The following CCNY variants were observed in gnomAD, a reference collection of about 807,000 sequenced individuals.
CCNY encodes cyclin Y.
A neutral mutation model predicts 42.8 loss-of-function variants in CCNY; 19 were observed. That is an observed-to-expected ratio of 0.44 (90% CI 0.31 to 0.65). The LOEUF (loss-of-function observed/expected upper bound fraction) is 0.65. Among genes scored for constraint, CCNY ranks in the 30% least tolerant of loss-of-function variants. The pLI is 0.07. For missense variants in CCNY, 370 were observed against 437.3 expected (o/e 0.85, Z 1.37); for synonymous variants, 165 against 162.7 (o/e 1.01, Z -0.11).
At chr10:35,561,358 CAGAA>C (rs1245869479) in intron 8 of CCNY, among the ~76,000 whole-genome samples, 2 of 152,204 alleles carry the variant, frequency 1.3e-5, no homozygotes, top group African/African-American at 4.8e-5. Flanking sequence ...TCCCATCACT[CAGAA>C]AGAATATTGC....
intron 1 of CCNY, among the ~76,000 whole-genome samples, chr10:35,474,795 G>A (rs1839470540): frequency 6.6e-6 from 1 of 152,330 alleles, no homozygotes; most frequent in South Asian, 2.1e-4. Context: ...AAGCTGGACG[G>A]AGAATGACTT....
chr10:35,408,254 T>C (rs1386686145), intron 1 of CCNY, among the ~76,000 whole-genome samples: 2 of 152,200 alleles, frequency 1.3e-5, no homozygotes, highest in Non-Finnish European at 2.9e-5. Context: ...GGGACTGGTC[T>C]CCCGAAGGAG....
At chr10:35,395,673 A>G (rs1417400341) in intron 1 of CCNY, among the ~76,000 whole-genome samples, 5 of 152,230 alleles carry the variant, frequency 3.3e-5, no homozygotes, top group Non-Finnish European at 7.3e-5. Context: ...ATGGAGGGCC[A>G]AAGGTGGAGG....
chr10:35,417,772 T>C lies in CCNY; in HGVS notation c.155-65632T>C, dbSNP rs531802728. Among the ~76,000 whole-genome samples, 7 of 152,380 alleles carry C rather than the reference T, an allele frequency of 4.6e-5. No individual in the cohort carries two copies. In the South Asian group the frequency reaches 8.3e-4, roughly 18 times the overall value. ...CCATCTATCAGAGCCCAATCTGTTA[T>C]GCTCCAGAGAATTGTAAGAGATTAA... On this transcript the variant is annotated intron_variant, in intron 1 of 9. Coordinates refer to ENST00000374704, the MANE Select transcript of CCNY (RefSeq NM_145012.6).
intron 4 of CCNY, among the ~76,000 whole-genome samples, chr10:35,516,885 A>T (rs1471850358): frequency 6.6e-6 from 1 of 151,970 alleles, no homozygotes; most frequent in African/African-American, 2.4e-5. Flanking sequence ...TTAAAAGACC[A>T]GAATCTTAAA....
intron 7 of CCNY, among the ~76,000 whole-genome samples, chr10:35,542,928 G>A (rs561502640): frequency 6.6e-6 from 1 of 152,346 alleles, no homozygotes; most frequent in Admixed American, 6.5e-5. Context: ...GTGACAGGGA[G>A]TCTAAGAGTT....
rs568513201 is a variant in CCNY, at chr10:35,488,114, T to G, written c.229+4636T>G. ...GAAAAAACCCTAAGTTTGCGGAATC[T>G]GTGTTTCTCAGGAGTCCCTTGAAAT... On this transcript the variant is annotated intron_variant, in intron 2 of 9. Transcript: ENST00000374704. Among the ~76,000 whole-genome samples the G allele has an allele frequency of 3.3e-5, 5 of 152,340 alleles. No individual in the cohort carries two copies. The South Asian group carries it at 8.3e-4, about 25-fold the overall frequency.
intron 1 of CCNY, among the ~76,000 whole-genome samples, chr10:35,345,128 C>T (rs1836272174): frequency 6.6e-6 from 1 of 152,132 alleles, no homozygotes; most frequent in South Asian, 2.1e-4. Context: ...ATTTCTAGTT[C>T]TAGATCCCTG....
chr10:35,490,839 A>G (rs1839880542), intron 2 of CCNY, among the ~76,000 whole-genome samples: 1 of 152,118 alleles, frequency 6.6e-6, no homozygotes, highest in Admixed American at 6.5e-5. Flanking sequence ...GCCTCAGCTC[A>G]GGTGTGCCTG....
chr10:35,290,200 T>C (rs1014549836), intron 3 of CCNY, among the ~76,000 whole-genome samples: 5 of 145,272 alleles, frequency 3.4e-5, no homozygotes, highest in Admixed American at 2.8e-4. Flanking sequence ...CACTCCAGCC[T>C]GGGCAACACA....
At chr10:35,407,491 T>C (rs1354708444) in intron 1 of CCNY, among the ~76,000 whole-genome samples, 1 of 152,102 alleles carries the variant, frequency 6.6e-6, no homozygotes, top group Non-Finnish European at 1.5e-5. Context: ...AAAGAATGCC[T>C]GGACATCAGG....
chr10:35,349,588 T>C (rs1473777355), intron 1 of CCNY, among the ~76,000 whole-genome samples: 3 of 152,254 alleles, frequency 2.0e-5, no homozygotes, highest in Non-Finnish European at 4.4e-5. Context: ...TATGAATGTG[T>C]ATTTGCTAAA....
intron 1 of CCNY, among the ~76,000 whole-genome samples, chr10:35,442,025 A>G (rs941424726): frequency 6.6e-6 from 1 of 152,250 alleles, no homozygotes; most frequent in Non-Finnish European, 1.5e-5. Flanking sequence ...ACATAATTTG[A>G]AAGAACTTAG....
At chr10:35,320,469 C>G (rs1454002048) in intron 3 of CCNY, among the ~76,000 whole-genome samples, 1 of 152,190 alleles carries the variant, frequency 6.6e-6, no homozygotes, top group Non-Finnish European at 1.5e-5. Context: ...CCTTCTTCAT[C>G]CTGGTAGAGT....
intron 4 of CCNY, among the ~76,000 whole-genome samples, chr10:35,522,214 C>G (rs998963086): frequency 2.0e-5 from 3 of 152,182 alleles, no homozygotes; most frequent in African/African-American, 7.2e-5. Context: ...TGGTGCCATT[C>G]ATTGGTTCCC....
At position 35,418,295 on chromosome 10, in the gene CCNY, G is replaced by C. The variant is rs1210382767; in HGVS notation, c.155-65109G>C. ...TAGCTGTGTCTGCCTGTAGCCGGGG[G>C]TGGAGGAATGAAAAGGCTGAGAAAC... On this transcript the variant is annotated intron_variant, in intron 1 of 9. Coordinates refer to ENST00000374704, the MANE Select transcript of CCNY (RefSeq NM_145012.6). Among the ~76,000 whole-genome samples, 6 of 152,216 alleles carry C rather than the reference G, an allele frequency of 3.9e-5. No individual in the cohort carries two copies. In the East Asian group the frequency reaches 1.2e-3, roughly 30 times the overall value.
At chr10:35,345,264 A>G (rs1188511149) in intron 1 of CCNY, among the ~76,000 whole-genome samples, 1 of 152,138 alleles carries the variant, frequency 6.6e-6, no homozygotes, top group East Asian at 1.9e-4. Context: ...AATGATTGCC[A>G]TTCTAACTGG....
At chr10:35,270,728 CTTTTTTTTTTTT>C (rs11411285) in intron 3 of CCNY, among the ~76,000 whole-genome samples, 1 of 124,734 alleles carries the variant, frequency 8.0e-6, no homozygotes, top group African/African-American at 3.1e-5. Flanking sequence ...TTTTTTTTTT[CTTTTTTTTTTTT>C]TTTGAGACAG....
chr10:35,466,835 C>T (rs913232625), intron 1 of CCNY, among the ~76,000 whole-genome samples: 3 of 152,212 alleles, frequency 2.0e-5, no homozygotes, highest in Admixed American at 2.0e-4. Context: ...TGTGGTGGCA[C>T]AGCCACAGCC....
Sources: allele counts gnomAD v4.1 joint callset (sites outside exome capture counted in the v4.1 genomes callset), GRCh38; gene constraint gnomAD v4.1.1; transcripts MANE v1.5; gene names NCBI Gene and HGNC (gene_info 2026-07-23, HGNC 2026-07-21).